Variants in MLLT3 observed in about 807,000 individuals in gnomAD.
MLLT3 encodes protein AF-9.
In MLLT3, 4 loss-of-function variants were observed where a neutral mutation model predicts 53.2. That is an observed-to-expected ratio of 0.08 (90% CI 0.04 to 0.17). The LOEUF is 0.17. MLLT3 is among the 10% of genes least tolerant of loss of function. The pLI, the probability that MLLT3 is intolerant of heterozygous loss-of-function variation, is 1.00. For synonymous variants in MLLT3, 283 were observed against 230.6 expected (o/e 1.23, Z -2.06); for missense variants, 569 against 684.0 (o/e 0.83, Z 1.87).
intron 2 of MLLT3, among the ~76,000 whole-genome samples, chr9:20,458,688 C>G (rs7869445): frequency 1.1e-3 from 174 of 152,228 alleles, no homozygotes; most frequent in African/African-American, 4.1e-3. Flanking sequence ...AGAATCCCAC[C>G]ATGCTGGCAC....
In MLLT3 at chr9:20,518,993, G is replaced by A. The variant is rs188239205; in HGVS notation, c.194-62207C>T. 2.0e-5 allele frequency among the ~76,000 whole-genome samples: 3 copies of A among 152,236 alleles called. No individual in the cohort carries two copies. In the East Asian group the frequency reaches 5.8e-4, roughly 29 times the overall value. The stretch of plus-strand genomic sequence containing the variant: ...ACTAATGCTTTCATTAATTAACAAT[G>A]AGTTAATTCTTCCTTCCTATAAAAG... On this transcript the variant is annotated intron_variant, in intron 2 of 10. Coordinates refer to ENST00000380338, the MANE Select transcript of MLLT3 (RefSeq NM_004529.4).
intron 2 of MLLT3, among the ~76,000 whole-genome samples, chr9:20,575,584 A>G (rs1306648956): frequency 6.6e-6 from 1 of 152,214 alleles, no homozygotes; most frequent in East Asian, 1.9e-4. Context: ...ACCAGGCATA[A>G]TAACTACAGT....
chr9:20,589,965 T>G (rs1213030545), intron 2 of MLLT3, among the ~76,000 whole-genome samples: 1 of 152,170 alleles, frequency 6.6e-6, no homozygotes, highest in African/African-American at 2.4e-5. Context: ...TGCCTCGGCC[T>G]CCCAAAGTGC....
chr9:20,456,804 A>G lies in MLLT3; in HGVS notation c.194-18T>C, dbSNP rs761106363. 1 of 1,511,750 alleles carries G rather than the reference A, an allele frequency of 6.6e-7. No individual in the cohort carries two copies. The highest frequency in any genetic ancestry group is 2.2e-5 in the Admixed American group (1 of 46,370). The allele number at this position is 1,511,750 out of a possible 1,614,324, so 93.6% of individuals were successfully genotyped here. ...TTTGCACACTGCAACATTAAAAAAG[A>G]AAATAGGTAAGATGAGAATAATAGA... On this transcript the variant is annotated intron_variant, in intron 2 of 10. Coordinates refer to ENST00000380338, the MANE Select transcript of MLLT3 (RefSeq NM_004529.4).
intron 7 of MLLT3, chr9:20,363,167 C>A (rs41270121): frequency 3.2e-4 from 78 of 245,086 alleles, no homozygotes; most frequent in African/African-American, 1.4e-3. Flanking sequence ...TCAACACAAA[C>A]TCTTCAAATG....
At chr9:20,391,480 C>G (rs917322992) in intron 5 of MLLT3, among the ~76,000 whole-genome samples, 1 of 152,110 alleles carries the variant, frequency 6.6e-6, no homozygotes, top group Non-Finnish European at 1.5e-5. Context: ...AGGCATGAAA[C>G]CAGAAAGCCC....
intron 5 of MLLT3, among the ~76,000 whole-genome samples, chr9:20,407,499 T>A (rs577159947): frequency 6.6e-6 from 1 of 152,046 alleles, no homozygotes; most frequent in Admixed American, 6.5e-5. Flanking sequence ...CCCAAACCAA[T>A]AGGTCAAAGA....
chr9:20,353,672 G>C (rs1821093199), intron 9 of MLLT3, 76 bp from the exon 10 acceptor site: 4 of 1,223,778 alleles, frequency 3.3e-6, no homozygotes. Flanking sequence ...ATGTAAGTAA[G>C]AACACACAGG....
intron 2 of MLLT3, among the ~76,000 whole-genome samples, chr9:20,507,068 T>C (rs1036742310): frequency 6.6e-6 from 1 of 152,208 alleles, no homozygotes; most frequent in Non-Finnish European, 1.5e-5. Context: ...CTTTAACAAG[T>C]AGGCCCTGGC....
At chr9:20,497,028 A>G (rs925807086) in intron 2 of MLLT3, among the ~76,000 whole-genome samples, 4 of 152,244 alleles carry the variant, frequency 2.6e-5, no homozygotes, top group Non-Finnish European at 4.4e-5. Flanking sequence ...CCTTATGCTA[A>G]TAACTCATTG....
At chr9:20,523,155 A>T (rs1818110028) in intron 2 of MLLT3, among the ~76,000 whole-genome samples, 1 of 152,204 alleles carries the variant, frequency 6.6e-6, no homozygotes, top group South Asian at 2.1e-4. Context: ...GGAAATGCAA[A>T]TTAAAACAAC....
intron 10 of MLLT3, among the ~76,000 whole-genome samples, chr9:20,353,077 G>GA (rs1253999752): frequency 1.3e-5 from 2 of 152,026 alleles, no homozygotes; most frequent in Admixed American, 1.3e-4. Flanking sequence ...GGGAAATGAA[G>GA]AAAATATTTA....
At chr9:20,428,430 T>C (rs1210199076) in intron 4 of MLLT3, among the ~76,000 whole-genome samples, 1 of 152,006 alleles carries the variant, frequency 6.6e-6, no homozygotes, top group Non-Finnish European at 1.5e-5. Context: ...AAAAACTGTA[T>C]ATATTTGGAA....
intron 5 of MLLT3, among the ~76,000 whole-genome samples, chr9:20,409,607 A>G (rs1822672619): frequency 6.6e-6 from 1 of 152,196 alleles, no homozygotes; most frequent in African/African-American, 2.4e-5. Context: ...CTGTACTCTA[A>G]TGGGAATAGC....
At chr9:20,378,355 T>C (rs909004834) in intron 5 of MLLT3, among the ~76,000 whole-genome samples, 9 of 152,042 alleles carry the variant, frequency 5.9e-5, no homozygotes, top group African/African-American at 1.7e-4. Context: ...GAGTGATACA[T>C]GCTAAATAAA....
At chr9:20,490,027 G>A (rs1437439501) in intron 2 of MLLT3, among the ~76,000 whole-genome samples, 2 of 152,068 alleles carry the variant, frequency 1.3e-5, no homozygotes, top group African/African-American at 4.8e-5. Context: ...AGGAATACAT[G>A]GTACCCACCT....
intron 2 of MLLT3, among the ~76,000 whole-genome samples, chr9:20,478,300 C>T (rs1011325584): frequency 1.3e-5 from 2 of 152,126 alleles, no homozygotes; most frequent in East Asian, 3.9e-4. Context: ...CTGGCTTTCA[C>T]TAAAGAGCTA....
At chr9:20,487,939 C>G (rs1211227888) in intron 2 of MLLT3, among the ~76,000 whole-genome samples, 1 of 151,986 alleles carries the variant, frequency 6.6e-6, no homozygotes, top group African/African-American at 2.4e-5. Context: ...GGCATAGCAC[C>G]TCTGTTAAAG....
chr9:20,378,475 C>G lies in MLLT3; in HGVS notation c.1126-12731G>C, dbSNP rs1397677939. On this transcript the variant is annotated intron_variant, in intron 5 of 10. Coordinates refer to ENST00000380338, the MANE Select transcript of MLLT3 (RefSeq NM_004529.4). ...TAAAAGTTTACTTTTTATATTTATA[C>G]TGTACACAGAGTTCCTTATTGAAGA... 7.2e-5 allele frequency among the ~76,000 whole-genome samples: 11 copies of G among 151,972 alleles called. 1 individual carries two copies. In the East Asian group the frequency reaches 2.1e-3, roughly 29 times the overall value.
Sources: gnomAD v4.1 joint callset for allele counts (sites outside exome capture counted in the v4.1 genomes callset) on GRCh38, gnomAD v4.1.1 for gene constraint, MANE v1.5 for transcripts, NCBI Gene and HGNC (gene_info 2026-07-23, HGNC 2026-07-21) for gene names.